CHL1: variants seen among roughly 807,000 people sequenced by gnomAD.
The protein encoded by CHL1 is neural cell adhesion molecule L1-like protein.
In CHL1, 96 loss-of-function variants were observed where a neutral mutation model predicts 141.9. The observed-to-expected ratio is 0.68, with a 90% CI of 0.57 to 0.80. The LOEUF is 0.80. Among genes scored for constraint, CHL1 ranks in the 30% least tolerant of loss-of-function variants. CHL1 has a pLI of 0.00. For synonymous variants in CHL1, 613 were observed against 502.2 expected (o/e 1.22, Z -2.95); for missense variants, 1,820 against 1,457.2 (o/e 1.25, Z -4.05).
intron 13 of CHL1, 120 bp from the exon 14 acceptor site, chr3:363,097 T>C: frequency 1.3e-6 from 1 of 766,316 alleles, no homozygotes; most frequent in Non-Finnish European, 2.1e-6. Context: ...ACTGGAACAT[T>C]TCATGAGGTT....
At chr3:248,391 G>T (rs1208954670) in intron 2 of CHL1, 1 of 152,004 alleles carries the variant, frequency 6.6e-6, no homozygotes, top group South Asian at 2.1e-4. Flanking sequence ...ACTATATGAA[G>T]AATTACATTT....
chr3:301,550 A>T (rs2124905407), intron 2 of CHL1, among the ~76,000 whole-genome samples: 1 of 152,282 alleles, frequency 6.6e-6, no homozygotes. Flanking sequence ...TTGCTCAGAG[A>T]AGGTATTCTT....
chr3:297,640 T>C (rs1698313386), intron 2 of CHL1, among the ~76,000 whole-genome samples: 1 of 152,210 alleles, frequency 6.6e-6, no homozygotes, highest in South Asian at 2.1e-4. Context: ...AATGAATGAA[T>C]GGTTGTATTA....
intron 1 of CHL1, among the ~76,000 whole-genome samples, chr3:223,666 T>G (rs419758): frequency 0.84 from 128,065 of 152,128 alleles, 54,752 homozygotes; most frequent in East Asian, 1. Flanking sequence ...GAGACAGCGG[T>G]ATTACAGTAG....
chr3:375,901 G>T (rs556366903), intron 15 of CHL1, among the ~76,000 whole-genome samples: 1 of 152,290 alleles, frequency 6.6e-6, no homozygotes, highest in East Asian at 1.9e-4. Flanking sequence ...GGGAAACACG[G>T]ATATTACTCA....
chr3:202,569 T>G (rs1398831035), intron 1 of CHL1, among the ~76,000 whole-genome samples: 1 of 152,206 alleles, frequency 6.6e-6, no homozygotes, highest in Non-Finnish European at 1.5e-5. Context: ...GAAATCTGGA[T>G]TTTTGAAAAC....
At chr3:246,560 C>A (rs939715764) in intron 2 of CHL1, 1 of 152,064 alleles carries the variant, frequency 6.6e-6, no homozygotes, top group Non-Finnish European at 1.5e-5. Context: ...CTTCATTTTT[C>A]TTTTCAGAAT....
intron 2 of CHL1, among the ~76,000 whole-genome samples, chr3:271,061 A>T (rs1695591928): frequency 6.6e-6 from 1 of 152,234 alleles, no homozygotes; most frequent in Non-Finnish European, 1.5e-5. Flanking sequence ...GAAGTTGTCA[A>T]AGAGTTTGTG....
At chr3:204,331 A>G (rs1559265003) in intron 1 of CHL1, among the ~76,000 whole-genome samples, 1 of 152,222 alleles carries the variant, frequency 6.6e-6, no homozygotes, top group Non-Finnish European at 1.5e-5. Flanking sequence ...GATACACTCA[A>G]ATGTCAGTCT....
intron 2 of CHL1, among the ~76,000 whole-genome samples, chr3:248,792 A>G (rs947442061): frequency 4.6e-5 from 7 of 152,168 alleles, no homozygotes; most frequent in Non-Finnish European, 8.8e-5. Flanking sequence ...CCATTAAATT[A>G]TTAAAGAATA....
intron 2 of CHL1, among the ~76,000 whole-genome samples, chr3:302,069 G>A (rs1698798165): frequency 6.6e-6 from 1 of 152,162 alleles, no homozygotes; most frequent in South Asian, 2.1e-4. Context: ...CCCTGCAAAG[G>A]ACAAGAACTC....
chr3:272,444 C>T (rs1264618363), intron 2 of CHL1, among the ~76,000 whole-genome samples: 2 of 152,152 alleles, frequency 1.3e-5, no homozygotes, highest in African/African-American at 4.8e-5. Context: ...TTCAGGAAGG[C>T]AAACTGCATT....
intron 1 of CHL1, among the ~76,000 whole-genome samples, chr3:212,296 T>A (rs1292305996): frequency 1.3e-5 from 2 of 152,186 alleles, no homozygotes; most frequent in East Asian, 3.9e-4. Context: ...TTTATTATGA[T>A]CAGGCAATAA....
chr3:205,093 T>TTTCC (rs1699291637), intron 1 of CHL1, among the ~76,000 whole-genome samples: 11 of 51,002 alleles, frequency 2.2e-4, no homozygotes, highest in Non-Finnish European at 5.0e-4. Flanking sequence ...TTCCTTTTTC[T>TTTCC]TTCTTTCTTT....
chr3:336,645 T>C (rs559352077), intron 5 of CHL1, among the ~76,000 whole-genome samples: 1 of 152,350 alleles, frequency 6.6e-6, no homozygotes, highest in Admixed American at 6.5e-5. Flanking sequence ...TTGTAACCAG[T>C]TAGTTTTCTA....
At position 360,277 on chromosome 3, in the gene CHL1, C is replaced by CT; in HGVS notation, c.1166-4dup. 6.2e-7 allele frequency: 1 copy of CT among 1,613,466 alleles called. No homozygotes were observed. The highest frequency in any genetic ancestry group is 8.5e-7 in the Non-Finnish European group (1 of 1,179,594). ...TTATCAAACTGACATTCTTTAATCT[C>CT]TTTCAGATCATCCATTTGCTGGTGA... On this transcript the variant is annotated splice_region_variant and splice_polypyrimidine_tract_variant and intron_variant, in intron 11 of 27. Transcript: ENST00000256509.
intron 27 of CHL1, among the ~76,000 whole-genome samples, chr3:404,518 A>G (rs868171491): frequency 4.6e-5 from 7 of 152,128 alleles, no homozygotes; most frequent in Admixed American, 1.3e-4. Flanking sequence ...CATTTCACTA[A>G]TGGATTTGCT....
intron 2 of CHL1, among the ~76,000 whole-genome samples, chr3:255,611 A>T (rs1574873254): frequency 6.6e-6 from 1 of 152,234 alleles, no homozygotes; most frequent in Admixed American, 6.5e-5. Flanking sequence ...TCTGTGCTCA[A>T]TGGATGCAAG....
intron 1 of CHL1, among the ~76,000 whole-genome samples, chr3:239,362 C>T (rs1351473965): frequency 6.6e-6 from 1 of 152,150 alleles, no homozygotes; most frequent in African/African-American, 2.4e-5. Context: ...AGCTTACGAT[C>T]GCACAACAAG....
Sources: allele counts gnomAD v4.1 joint callset (sites outside exome capture counted in the v4.1 genomes callset), GRCh38; gene constraint gnomAD v4.1.1; transcripts MANE v1.5; gene names NCBI Gene and HGNC (gene_info 2026-07-23, HGNC 2026-07-21).